The following STK4 variants were observed in gnomAD, a reference collection of about 807,000 sequenced individuals.
The protein encoded by STK4 is serine/threonine kinase 4.
Under a neutral mutation model 64.9 loss-of-function variants are expected in STK4, and 30 were observed. The ratio of observed to expected loss-of-function variants is 0.46; its 90% confidence interval spans 0.35 to 0.63. The LOEUF (loss-of-function observed/expected upper bound fraction) is 0.63, where lower values mean the gene tolerates loss of function less well. STK4 is among the 20% of genes least tolerant of loss of function. The probability of loss-of-function intolerance (pLI) is 0.01; values close to 1 mark genes in which losing one functional copy is unlikely to be tolerated. For synonymous variants in STK4, 177 were observed against 199.0 expected (o/e 0.89, Z 0.93); for missense variants, 466 against 598.5 (o/e 0.78, Z 2.31).
intron 5 of STK4, among the ~76,000 whole-genome samples, chr20:44,988,889 G>A (rs1399905517): frequency 6.6e-6 from 1 of 151,868 alleles, no homozygotes; most frequent in African/African-American, 2.4e-5. Context: ...CATACATAAT[G>A]TGCCCTTTTG....
At chr20:44,978,378 T>G in intron 2 of STK4, 65 bp from the exon 3 acceptor site, 1 of 1,550,854 alleles carries the variant, frequency 6.4e-7, no homozygotes, top group Non-Finnish European at 8.7e-7. Context: ...TGCTTGTGTT[T>G]TACCACTTCT....
At chr20:44,994,591 A>G (rs1246607360) in intron 5 of STK4, among the ~76,000 whole-genome samples, 4 of 151,022 alleles carry the variant, frequency 2.6e-5, no homozygotes. Context: ...TTTCCTCCTC[A>G]TCTCCCCCAT....
At chr20:44,994,955 A>AT (rs1213437089) in intron 5 of STK4, 135 bp from the exon 6 acceptor site, 4 of 690,736 alleles carry the variant, frequency 5.8e-6, no homozygotes, top group Middle Eastern at 4.5e-4. Flanking sequence ...AGTACAAGGC[A>AT]TTTTTTTATT....
chr20:44,972,862 A>C (rs1410366897), intron 2 of STK4: 1 of 151,828 alleles, frequency 6.6e-6, no homozygotes, highest in Non-Finnish European at 1.5e-5. Flanking sequence ...AGGCGATACA[A>C]TCATATGATT....
chr20:45,019,781 C>G (rs566009622), intron 9 of STK4, among the ~76,000 whole-genome samples: 1 of 152,248 alleles, frequency 6.6e-6, no homozygotes, highest in Non-Finnish European at 1.5e-5. Context: ...AAAAAATATG[C>G]TAGCTCAAGT....
chr20:45,012,948 ATTTTTTTTTTTTTTTTT>A (rs60788017), intron 9 of STK4, among the ~76,000 whole-genome samples: 2 of 51,166 alleles, frequency 3.9e-5, no homozygotes, highest in African/African-American at 8.5e-5. Context: ...CACACCTGTG[ATTTTTTTTTTTTTTTTT>A]TTTTTTTTTT....
chr20:45,012,083 T>C (rs2068061332), intron 9 of STK4, among the ~76,000 whole-genome samples: 1 of 151,608 alleles, frequency 6.6e-6, no homozygotes, highest in Admixed American at 6.6e-5. Context: ...GTCACCAGGC[T>C]AGAGTGCAGT....
intron 8 of STK4, among the ~76,000 whole-genome samples, chr20:45,000,899 C>T (rs183545303): frequency 1.4e-4 from 22 of 152,232 alleles, no homozygotes; most frequent in Admixed American, 1.4e-3. Context: ...CAAAGATGTT[C>T]ACATGAGTTT....
rs186978683 is a variant in STK4 at position 44,995,856 on chromosome 20, T to C, written c.693+599T>C. Among the ~76,000 whole-genome samples, 32 of 152,256 alleles carry C rather than the reference T, an allele frequency of 2.1e-4. 1 individual carries two copies. Among genetic ancestry groups the C allele is most frequent in the African/African-American group, 7.7e-4 (32 of 41,548 alleles). On this transcript the variant is annotated intron_variant, in intron 6 of 10. Transcript: ENST00000372806. ...TTGTGCTACTCTCTCTCTCTGTCTGTCACTCACTCATTTTGAATAGTTTAG... is the reference window on the plus strand; with the variant it reads ...TTGTGCTACTCTCTCTCTCTGTCTGCCACTCACTCATTTTGAATAGTTTAG...
At chr20:44,994,655 A>G (rs192235137) in intron 5 of STK4, among the ~76,000 whole-genome samples, 47 of 152,250 alleles carry the variant, frequency 3.1e-4, no homozygotes, top group African/African-American at 1.1e-3. Flanking sequence ...TGAACATAAG[A>G]TAGATTTCAA....
chr20:45,071,331 T>C (rs1600577579), intron 10 of STK4, among the ~76,000 whole-genome samples: 1 of 152,264 alleles, frequency 6.6e-6, no homozygotes, highest in East Asian at 1.9e-4. Context: ...CTGCAAGATA[T>C]TCATTTGAAA....
Position 45,078,065 on chromosome 20 carries a change from CCTTGGG to C in STK4, c.*2893_*2898del, listed in dbSNP as rs1453591861. ...GATATGTCAGCTTGCTTTCAATGAG[CCTTGGG>C]CTTCTGTTATTGCTTGAGCATTTGG... On this transcript the variant is annotated 3_prime_UTR_variant, in exon 11 of 11. Transcript: ENST00000372806. 5 of 152,112 alleles carry C rather than the reference CCTTGGG, an allele frequency of 3.3e-5. No individual in the cohort carries two copies. The highest frequency in any genetic ancestry group is 2.0e-4 in the Admixed American group (3 of 15,272). 9.4% of individuals were successfully genotyped at this position (152,112 alleles called of 1,614,324 possible).
chr20:44,967,356 G>A (rs1161264018), intron 1 of STK4: 1 of 477,422 alleles, frequency 2.1e-6, no homozygotes, highest in African/African-American at 2.1e-5. Flanking sequence ...TTTACTCCGG[G>A]TCACTGAACC....
chr20:45,024,742 T>G (rs918899768), intron 9 of STK4, among the ~76,000 whole-genome samples: 3 of 152,164 alleles, frequency 2.0e-5, no homozygotes, highest in African/African-American at 7.2e-5. Flanking sequence ...CCAGGGAAAT[T>G]TCTGAATGTA....
intron 8 of STK4, among the ~76,000 whole-genome samples, chr20:45,000,951 A>C (rs932870864): frequency 1.3e-5 from 2 of 152,208 alleles, no homozygotes; most frequent in Non-Finnish European, 2.9e-5. Flanking sequence ...AGAGTAGAGG[A>C]AGAATTCCTT....
intron 6 of STK4, among the ~76,000 whole-genome samples, chr20:44,996,194 C>G (rs1369941363): frequency 6.6e-6 from 1 of 152,064 alleles, no homozygotes; most frequent in African/African-American, 2.4e-5. Flanking sequence ...GCTGTGTACT[C>G]TCCAACCCCT....
At chr20:44,996,993 A>G (rs539884054) in intron 6 of STK4, among the ~76,000 whole-genome samples, 176 bp from the exon 7 acceptor site, 1 of 152,294 alleles carries the variant, frequency 6.6e-6, no homozygotes, top group East Asian at 1.9e-4. Context: ...AGAGGGAGAT[A>G]TATCAGGTTC....
intron 10 of STK4, among the ~76,000 whole-genome samples, chr20:45,026,518 A>T (rs1171464096): frequency 6.6e-6 from 1 of 152,144 alleles, no homozygotes; most frequent in Non-Finnish European, 1.5e-5. Flanking sequence ...ACGAAGAAAC[A>T]GTCTGTTTTG....
chr20:44,992,935 A>G (rs1430616960), intron 5 of STK4, among the ~76,000 whole-genome samples: 2 of 151,870 alleles, frequency 1.3e-5, no homozygotes, highest in Non-Finnish European at 1.5e-5. Context: ...AGCTCAGGCA[A>G]TCTGCCCACC....
Sources: allele counts gnomAD v4.1 joint callset (sites outside exome capture counted in the v4.1 genomes callset), GRCh38; gene constraint gnomAD v4.1.1; transcripts MANE v1.5; gene names NCBI Gene and HGNC (gene_info 2026-07-23, HGNC 2026-07-21).